Variants in NPHP3 observed in about 807,000 individuals in gnomAD.
NPHP3 encodes the protein nephrocystin 3.
Under a neutral mutation model 171.9 loss-of-function variants are expected in NPHP3, and 123 were observed. The observed-to-expected ratio is 0.72, with a 90% CI of 0.62 to 0.83. The LOEUF is 0.83. Ranked by LOEUF, NPHP3 falls within the 40% of genes least tolerant of loss-of-function variation. NPHP3 has a pLI of 0.00. For synonymous variants in NPHP3, 558 were observed against 579.2 expected (o/e 0.96, Z 0.52); for missense variants, 1,506 against 1,591.9 (o/e 0.95, Z 0.92).
In NPHP3 at chr3:132,686,352, C is replaced by G. The variant is rs764287266; in HGVS notation, c.3237G>C (p.Gln1079His). 31 of 1,613,962 alleles carry G rather than the reference C, an allele frequency of 1.9e-5. No individual in the cohort carries two copies. In the Admixed American group the frequency reaches 4.7e-4, roughly 24 times the overall value. Residue 1079 changes from glutamine (Q) to histidine (H), a missense_variant, in exon 23 of 27, where the codon CAG becomes CAC. Physicochemically the swap from Gln to His is conservative, Grantham distance 24. Transcript: ENST00000337331. ...GFALLRRRALQLEELTLGKDT... is the reference protein window; with the variant it reads ...GFALLRRRALHLEELTLGKDT... ...CCTTACCTAATGTAAGCTCTTCTAA[C>G]TGTAAAGCCCGTCTACGTAAAAGGG... is the stretch of plus-strand genomic sequence containing the variant.
intron 6 of NPHP3, 103 bp downstream of exon 6, chr3:132,713,023 T>A (rs1339408529): frequency 2.5e-5 from 14 of 565,396 alleles, no homozygotes; most frequent in African/African-American, 1.4e-4. Flanking sequence ...TGGATTTTTT[T>A]ATTATAAGGA....
chr3:132,713,069 ACT>A (rs1939956449), intron 6 of NPHP3, 55 bp downstream of exon 6: 1 of 918,176 alleles, frequency 1.1e-6, no homozygotes, highest in Non-Finnish European at 1.6e-6. Context: ...TATTTGGCAA[ACT>A]CAATTCTATT....
In NPHP3 at chr3:132,691,191, C is replaced by A. The variant is rs1322038132; in HGVS notation, c.2570+1G>T. On this transcript the variant is annotated splice_donor_variant, in intron 18 of 26. Coordinates refer to ENST00000337331, the MANE Select transcript of NPHP3 (RefSeq NM_153240.5). LOFTEE classifies it high-confidence loss of function. ...AAGAACAACAGGAACATTTACAATA[C>A]CTTAGCTGCAAGGTGAAATAGTTGA... is the stretch of plus-strand genomic sequence containing the variant. 12 of 1,607,766 alleles carry A rather than the reference C, an allele frequency of 7.5e-6. No individual in the cohort carries two copies. The highest frequency in any genetic ancestry group is 9.4e-6 in the Non-Finnish European group (11 of 1,174,480).
At chr3:132,707,286 G>A (rs1036098050) in intron 7 of NPHP3, among the ~76,000 whole-genome samples, 3 of 152,138 alleles carry the variant, frequency 2.0e-5, no homozygotes, top group African/African-American at 7.2e-5. Context: ...AACATAATAA[G>A]TCCCCATCTC....
At position 132,722,304 on chromosome 3, in the gene NPHP3, C is replaced by G; in HGVS notation, c.52G>C (p.Asp18His). Residue 18 changes from aspartate (D) to histidine (H), a missense_variant, in exon 1 of 27, where the codon GAC becomes CAC. Transcript: ENST00000337331. ...VSPAGGEVIEDTYGAGGGEAC... is the reference protein window; with the variant it reads ...VSPAGGEVIEHTYGAGGGEAC... ...TCGCCGCCGCCCGCCCCGTACGTGT[C>G]CTCGATCACTTCCCCGCCCGCGGGG... 6.3e-7 allele frequency: 1 copy of G among 1,581,836 alleles called. No homozygotes were observed. Among genetic ancestry groups the G allele is most frequent in the Non-Finnish European group, 8.5e-7 (1 of 1,172,988 alleles).
rs1231160748 is a variant in NPHP3, at chr3:132,705,722, C to T, written c.1350+18G>A. The T allele has an allele frequency of 8.6e-7, 1 of 1,166,816 alleles. No homozygotes were observed. Among genetic ancestry groups the T allele is most frequent in the Admixed American group, 1.8e-5 (1 of 56,194 alleles). The allele number at this position is 1,166,816 out of a possible 1,614,324, so 72.3% of individuals were successfully genotyped here. A position where few individuals can be genotyped will look rare whatever the true frequency, so the allele number is the denominator to read the frequency against. ...TTAAAATATTTTAGATGAAAACTTA[C>T]AGAGAATGCATATTTACCTGTTTAA... On this transcript the variant is annotated intron_variant, in intron 8 of 26. Transcript: ENST00000337331.
intron 21 of NPHP3, among the ~76,000 whole-genome samples, chr3:132,687,704 C>T (rs146806290): frequency 1.3e-5 from 2 of 152,304 alleles, no homozygotes; most frequent in African/African-American, 2.4e-5. Context: ...CGAAGCAATA[C>T]TTCTATAAGT....
intron 1 of NPHP3, 200 bp downstream of exon 1, chr3:132,721,763 C>T (rs371795990): frequency 1.2e-5 from 9 of 764,508 alleles, no homozygotes; most frequent in South Asian, 5.9e-5. Flanking sequence ...ATCGTGCCAC[C>T]GCAGCGAGAC....
intron 26 of NPHP3, 159 bp from the exon 27 acceptor site, chr3:132,682,249 A>T: frequency 1.5e-6 from 1 of 659,954 alleles, no homozygotes. Flanking sequence ...CAACACCCAA[A>T]CTCTTCTCCT....
chr3:132,719,909 T>C (rs1036528495), intron 1 of NPHP3, 79 bp from the exon 2 acceptor site: 3 of 528,518 alleles, frequency 5.7e-6, no homozygotes, highest in African/African-American at 2.0e-5. Context: ...TATACATATA[T>C]ATATATATAT....
At chr3:132,699,638 A>G (rs141823366) in intron 12 of NPHP3, among the ~76,000 whole-genome samples, 188 bp from the exon 13 acceptor site, 1 of 152,236 alleles carries the variant, frequency 6.6e-6, no homozygotes, top group Non-Finnish European at 1.5e-5. Flanking sequence ...ACCAATCTGA[A>G]CTCTGGACAC....
chr3:132,683,863 C>T (rs1576659892), intron 24 of NPHP3, among the ~76,000 whole-genome samples: 1 of 152,164 alleles, frequency 6.6e-6, no homozygotes, highest in Non-Finnish European at 1.5e-5. Flanking sequence ...CAAATCCCTT[C>T]CAGATTTTTC....
At chr3:132,712,327 T>C in intron 6 of NPHP3, 1 of 427,220 alleles carries the variant, frequency 2.3e-6, no homozygotes, top group South Asian at 1.7e-5. Flanking sequence ...AAGAAAAGAA[T>C]GAAGGTTAAT....
rs117872197 is a variant in NPHP3, at chr3:132,696,770, T to C, written c.2132A>G (p.Asn711Ser). Residue 711 changes from asparagine (N) to serine (S), a missense_variant, in exon 15 of 27, where the codon AAT (asparagine) becomes AGT (serine). Around this residue, in one of 3 missense-constraint regions of NPHP3, gnomAD observed 930 missense variants for 924.9 expected, o/e 1.01. Coordinates refer to ENST00000337331, the MANE Select transcript of NPHP3 (RefSeq NM_153240.5). ...GCCGAAAAGGGTGACATAAAGGGCA[T>C]TGCAGGTTGTAGCAGAACGACAGTG... Reference protein sequence around the residue: ...ERHCRSATTCNALYVTLFGKM... With the variant: ...ERHCRSATTCSALYVTLFGKM... 2.2e-4 allele frequency: 361 copies of C among 1,614,180 alleles called. 2 individuals are homozygous for C. The East Asian group carries it at 7.3e-3, about 33-fold the overall frequency.
At chr3:132,686,503 T>C in intron 22 of NPHP3, 116 bp from the exon 23 acceptor site, 1 of 1,169,102 alleles carries the variant, frequency 8.6e-7, no homozygotes, top group South Asian at 1.3e-5. Context: ...TCTAGATAAC[T>C]ATTATTTTAA....
Position 132,688,911 on chromosome 3 carries a change from A to C in NPHP3, c.2884-20T>G. The C allele has an allele frequency of 6.2e-7, 1 of 1,614,028 alleles. No homozygotes were observed. The highest frequency in any genetic ancestry group is 8.5e-7 in the Non-Finnish European group (1 of 1,179,964). ...TATGGCCTGGGGGGAAAAGGGGTGAAAGGCCAGTTAAAGTGAGTGAAATGC... is the reference window on the plus strand; with the variant it reads ...TATGGCCTGGGGGGAAAAGGGGTGACAGGCCAGTTAAAGTGAGTGAAATGC... On this transcript the variant is annotated intron_variant, in intron 20 of 26. Transcript: ENST00000337331.
At chr3:132,705,713 G>A (rs749922297) in intron 8 of NPHP3, 27 bp downstream of exon 8, 6 of 1,120,034 alleles carry the variant, frequency 5.4e-6, no homozygotes, top group Non-Finnish European at 5.4e-6. Context: ...TATTTTAGAT[G>A]AAAACTTACA....
intron 6 of NPHP3, among the ~76,000 whole-genome samples, chr3:132,710,796 A>C (rs1175855671): frequency 6.6e-6 from 1 of 152,190 alleles, no homozygotes; most frequent in Non-Finnish European, 1.5e-5. Context: ...GCAGTGCAGG[A>C]GCCTGGCCGT....
intron 8 of NPHP3, 105 bp from the exon 9 acceptor site, chr3:132,704,476 G>C: frequency 9.7e-7 from 1 of 1,028,432 alleles, no homozygotes; most frequent in South Asian, 1.3e-5. Flanking sequence ...GGGAGGGCAA[G>C]TTCAAACATA....
Sources: gnomAD v4.1 joint callset for allele counts (sites outside exome capture counted in the v4.1 genomes callset) on GRCh38, gnomAD v4.1.1 for gene constraint, gnomAD v4.1.1 regional missense constraint, MANE v1.5 for transcripts, NCBI Gene and HGNC (gene_info 2026-07-23, HGNC 2026-07-21) for gene names.